Variants in GPC5 observed in about 807,000 individuals in gnomAD.
GPC5 encodes glypican-5.
A neutral mutation model predicts 53.9 loss-of-function variants in GPC5; 47 were observed. The ratio of observed to expected loss-of-function variants is 0.87; its 90% CI spans 0.69 to 1.11. The LOEUF is 1.11. Ranked by LOEUF, GPC5 falls within the 50% of genes most tolerant of loss-of-function variation. GPC5 has a pLI of 0.00. For missense variants in GPC5, 748 were observed against 713.1 expected (o/e 1.05, Z -0.56); for synonymous variants, 286 against 263.3 (o/e 1.09, Z -0.84).
At chr13:92,319,914 G>A (rs1001331403) in intron 7 of GPC5, among the ~76,000 whole-genome samples, 4 of 152,024 alleles carry the variant, frequency 2.6e-5, no homozygotes, top group African/African-American at 9.7e-5. Flanking sequence ...ATATACATTA[G>A]TCATTTAATT....
chr13:92,045,132 C>T (rs376746063), intron 6 of GPC5, among the ~76,000 whole-genome samples: 8 of 152,158 alleles, frequency 5.3e-5, no homozygotes, highest in African/African-American at 1.7e-4. Context: ...CTTGTACCCC[C>T]CAAAACTGCT....
At chr13:91,907,261 C>A (rs1357132278) in intron 5 of GPC5, among the ~76,000 whole-genome samples, 1 of 148,630 alleles carries the variant, frequency 6.7e-6, no homozygotes, top group Non-Finnish European at 1.5e-5. Flanking sequence ...GAAATGTGTT[C>A]AAGCTTATTT....
chr13:91,526,816 TAGA>T (rs1402952865), intron 2 of GPC5, among the ~76,000 whole-genome samples: 2 of 152,100 alleles, frequency 1.3e-5, no homozygotes, highest in African/African-American at 4.8e-5. Flanking sequence ...GCAATCATGG[TAGA>T]AGGTGAAGGG....
At chr13:92,090,095 T>C (rs2138894456) in intron 6 of GPC5, among the ~76,000 whole-genome samples, 1 of 152,340 alleles carries the variant, frequency 6.6e-6, no homozygotes, top group South Asian at 2.1e-4. Context: ...ATGTTTTTTC[T>C]AAAACTTGAA....
intron 2 of GPC5, among the ~76,000 whole-genome samples, chr13:91,608,352 T>A (rs955794178): frequency 3.3e-5 from 5 of 152,202 alleles, no homozygotes; most frequent in Non-Finnish European, 7.4e-5. Context: ...AGTACAATAG[T>A]GAACAAGAAC....
chr13:92,605,874 G>A (rs1884240977), intron 7 of GPC5, among the ~76,000 whole-genome samples: 1 of 151,794 alleles, frequency 6.6e-6, no homozygotes, highest in Admixed American at 6.6e-5. Context: ...TATAATATTA[G>A]GTTATTAATC....
intron 7 of GPC5, among the ~76,000 whole-genome samples, chr13:92,582,260 T>A (rs1487412393): frequency 6.6e-6 from 1 of 152,148 alleles, no homozygotes; most frequent in Non-Finnish European, 1.5e-5. Flanking sequence ...TTTTTCTGTA[T>A]GTGGTTATCC....
intron 7 of GPC5, among the ~76,000 whole-genome samples, chr13:92,566,574 G>A (rs545741716): frequency 1.3e-5 from 2 of 152,172 alleles, no homozygotes; most frequent in South Asian, 4.1e-4. Context: ...CCAGCCATTA[G>A]CAAATAAATG....
chr13:91,437,851 T>A (rs1164424275), intron 1 of GPC5, among the ~76,000 whole-genome samples: 2 of 152,176 alleles, frequency 1.3e-5, no homozygotes, highest in South Asian at 4.1e-4. Flanking sequence ...GGAGGCTTTG[T>A]TCATTTCTTT....
At chr13:92,271,779 T>G (rs1205476191) in intron 7 of GPC5, among the ~76,000 whole-genome samples, 1 of 152,162 alleles carries the variant, frequency 6.6e-6, no homozygotes, top group Non-Finnish European at 1.5e-5. Context: ...TTAGTGTATG[T>G]GACTAGGTAA....
At chr13:92,649,267 A>G (rs530450549) in intron 7 of GPC5, among the ~76,000 whole-genome samples, 15 of 152,210 alleles carry the variant, frequency 9.9e-5, no homozygotes, top group African/African-American at 3.6e-4. Context: ...GTGGAGTTTT[A>G]TAGGAAATTC....
At chr13:92,300,432 G>A (rs1444151572) in intron 7 of GPC5, among the ~76,000 whole-genome samples, 2 of 152,144 alleles carry the variant, frequency 1.3e-5, no homozygotes, top group Admixed American at 6.5e-5. Context: ...TAGGCCTAGA[G>A]TGGACCCCAA....
At chr13:91,466,338 C>T (rs1425330928) in intron 2 of GPC5, among the ~76,000 whole-genome samples, 1 of 152,144 alleles carries the variant, frequency 6.6e-6, no homozygotes, top group East Asian at 1.9e-4. Context: ...GGGGACTTGT[C>T]CAAGTCATTC....
intron 7 of GPC5, among the ~76,000 whole-genome samples, chr13:92,465,750 A>G (rs966032745): frequency 2.2e-4 from 34 of 152,048 alleles, no homozygotes; most frequent in Admixed American, 6.6e-4. Context: ...TCAGAGTTCC[A>G]TACTGACAGC....
At chr13:92,810,398 A>T (rs141064896) in intron 7 of GPC5, among the ~76,000 whole-genome samples, 1 of 152,086 alleles carries the variant, frequency 6.6e-6, no homozygotes, top group East Asian at 1.9e-4. Context: ...ATTTATTAAA[A>T]AGAAGACTAC....
Position 91,626,147 on chromosome 13 carries a change from A to T in GPC5, c.326-67040A>T, listed in dbSNP as rs113714541. Among the ~76,000 whole-genome samples, 538 of 152,308 alleles carry T rather than the reference A, an allele frequency of 3.5e-3. 1 individual carries two copies. Among genetic ancestry groups the T allele is most frequent in the African/African-American group, 0.011 (475 of 41,584 alleles). On this transcript the variant is annotated intron_variant, in intron 2 of 7. Coordinates refer to ENST00000377067, the MANE Select transcript of GPC5 (RefSeq NM_004466.6). ...TTTTTACCTAAAATCTTAGAATAGA[A>T]AAGAACTCTAACTTGTCTTTGTGAA...
At chr13:91,906,383 T>A (rs561054859) in intron 5 of GPC5, among the ~76,000 whole-genome samples, 281 of 152,214 alleles carry the variant, frequency 1.8e-3, no homozygotes, top group African/African-American at 6.2e-3. Context: ...CCAGAATGTC[T>A]ACTACTTGTC....
chr13:91,638,187 AC>A (rs1037803041), intron 2 of GPC5, among the ~76,000 whole-genome samples: 3 of 152,194 alleles, frequency 2.0e-5, no homozygotes, highest in Non-Finnish European at 2.9e-5. Context: ...ACAGTGGTGT[AC>A]CTTCTGGCTC....
chr13:92,071,556 C>T (rs1246061199), intron 6 of GPC5, among the ~76,000 whole-genome samples: 2 of 151,798 alleles, frequency 1.3e-5, no homozygotes, highest in Non-Finnish European at 2.9e-5. Context: ...TTTTCTTATC[C>T]CTCTAACTTG....
Sources: gnomAD v4.1 joint callset for allele counts (sites outside exome capture counted in the v4.1 genomes callset) on GRCh38, gnomAD v4.1.1 for gene constraint, MANE v1.5 for transcripts, NCBI Gene and HGNC (gene_info 2026-07-23, HGNC 2026-07-21) for gene names.